Variants in N4BP2L1 observed in about 807,000 individuals in gnomAD.
The protein encoded by N4BP2L1 is NEDD4-binding protein 2-like 1.
A neutral mutation model predicts 21.2 loss-of-function variants in N4BP2L1; 12 were observed. The ratio of observed to expected loss-of-function variants is 0.57; its 90% confidence interval spans 0.36 to 0.92. The LOEUF (loss-of-function observed/expected upper bound fraction) is 0.92. Among genes scored for constraint, N4BP2L1 ranks in the 40% least tolerant of loss-of-function variants. The probability of loss-of-function intolerance (pLI) is 0.01; values close to 1 mark genes in which losing one functional copy is unlikely to be tolerated. For missense variants in N4BP2L1, 259 were observed against 310.6 expected, an observed-to-expected ratio of 0.83 and a Z score of 1.25; for synonymous variants, 104 against 112.8, an observed-to-expected ratio of 0.92 and a Z score of 0.49.
chr13:32,412,352 C>T (rs760531743), intron 1 of N4BP2L1, among the ~76,000 whole-genome samples: 4 of 150,634 alleles, frequency 2.7e-5, no homozygotes, highest in African/African-American at 4.9e-5. Context: ...GCAGGCCGGG[C>T]GCGGTGGCTC....
intron 4 of N4BP2L1, among the ~76,000 whole-genome samples, chr13:32,403,950 G>A (rs2073312134): frequency 6.6e-6 from 1 of 152,156 alleles, no homozygotes; most frequent in Admixed American, 6.5e-5. Flanking sequence ...GATCATAAAT[G>A]AATCGCAGAC....
chr13:32,408,710 G>T (rs1299126364), intron 1 of N4BP2L1, among the ~76,000 whole-genome samples: 1 of 152,232 alleles, frequency 6.6e-6, no homozygotes, highest in African/African-American at 2.4e-5. Context: ...ACATGGCCAT[G>T]CTCAGAATAA....
chr13:32,428,133 G>A (rs1481477850), upstream of N4BP2L1: 1 of 1,400,708 alleles, frequency 7.1e-7, no homozygotes, highest in African/African-American at 1.5e-5. Flanking sequence ...CTGAAGTCAC[G>A]GTCTTGGCCA....
chr13:32,410,698 A>G (rs1054484881), intron 1 of N4BP2L1, among the ~76,000 whole-genome samples: 5 of 152,222 alleles, frequency 3.3e-5, no homozygotes, highest in African/African-American at 1.2e-4. Flanking sequence ...TATATTTGTG[A>G]ACACTGTACA....
At chr13:32,403,753 A>T (rs575491020) in intron 4 of N4BP2L1, 1 of 536,474 alleles carries the variant, frequency 1.9e-6, no homozygotes, top group African/African-American at 1.9e-5. Context: ...CTTTGAAGAC[A>T]CTATCTGCCT....
At chr13:32,419,600 C>G (rs1007820840) in intron 1 of N4BP2L1, among the ~76,000 whole-genome samples, 34 of 151,870 alleles carry the variant, frequency 2.2e-4, no homozygotes, top group Non-Finnish European at 4.6e-4. Context: ...GGCTTTTCCC[C>G]CTTTTGCTCA....
chr13:32,404,193 C>T, intron 4 of N4BP2L1, 128 bp downstream of exon 4: 1 of 1,610,766 alleles, frequency 6.2e-7, no homozygotes, highest in Non-Finnish European at 8.5e-7. Context: ...TATCAATTTC[C>T]AAGAATTACC....
In N4BP2L1 at chr13:32,409,467, T is replaced by C. The variant is rs572394277; in HGVS notation, c.180-1695A>G. On this transcript the variant is annotated intron_variant, in intron 1 of 4. Transcript: ENST00000380130. ...ATGCGGGCCAGTAGATAATACACTTTAATACCGAAAGAATATTAGTTAATT... is the reference window on the plus strand; with the variant it reads ...ATGCGGGCCAGTAGATAATACACTTCAATACCGAAAGAATATTAGTTAATT... Among the ~76,000 whole-genome samples the C allele has an allele frequency of 2.6e-5, 4 of 152,354 alleles. No individual in the cohort carries two copies. In the South Asian group the frequency reaches 8.3e-4, roughly 32 times the overall value.
intron 1 of N4BP2L1, chr13:32,419,536 T>C (rs2074356394): frequency 3.4e-6 from 1 of 297,834 alleles, no homozygotes; most frequent in Non-Finnish European, 6.5e-6. Context: ...CCTCCCAAAG[T>C]GCTGGGATTA....
chr13:32,420,624 G>C (rs1165744567), intron 1 of N4BP2L1: 1 of 152,118 alleles, frequency 6.6e-6, no homozygotes, highest in Non-Finnish European at 1.5e-5. Context: ...TGAGAACTTT[G>C]GAATGAGTGG....
upstream of N4BP2L1, chr13:32,428,188 G>T: frequency 8.4e-7 from 1 of 1,194,044 alleles, no homozygotes; most frequent in Non-Finnish European, 1.1e-6. Flanking sequence ...TGGATAGAGG[G>T]GCGGGCGCTG....
At chr13:32,428,202 GC>G, upstream of N4BP2L1, 1 of 1,038,092 alleles carries the variant, frequency 9.6e-7, no homozygotes, top group African/African-American at 1.6e-5. Context: ...GGCGCTGGGA[GC>G]CCAGCCCCTC....
At chr13:32,407,535 A>G (rs774992707) in intron 2 of N4BP2L1, 110 bp downstream of exon 2, 1 of 1,598,502 alleles carries the variant, frequency 6.3e-7, no homozygotes. Flanking sequence ...TGGGGGAAAA[A>G]TTGGCAGAAC....
At position 32,405,433 on chromosome 13, in the gene N4BP2L1, C is replaced by T. The variant is rs538326698; in HGVS notation, c.397-1036G>A. Among the ~76,000 whole-genome samples, 3 of 152,266 alleles carry T rather than the reference C, an allele frequency of 2.0e-5. No individual in the cohort carries two copies. In the South Asian group the frequency reaches 6.2e-4, roughly 32 times the overall value. ...GCTGACACACGAGAATTGCTTGAAT[C>T]TAGGAAGCAGAGGCTGCAGTGAGCT... On this transcript the variant is annotated intron_variant, in intron 3 of 4. Coordinates refer to ENST00000380130, the MANE Select transcript of N4BP2L1 (RefSeq NM_052818.3).
rs1358369956 is a variant in N4BP2L1, at chr13:32,428,044, G to A, written c.39C>T (p.Ser13=). The A allele has an allele frequency of 1.3e-6, 2 of 1,529,006 alleles. No individual in the cohort carries two copies. The highest frequency in any genetic ancestry group is 1.8e-4 in the Middle Eastern group (1 of 5,698). 94.7% of individuals were successfully genotyped at this position (1,529,006 alleles called of 1,614,324 possible). A position where few individuals can be genotyped will look rare whatever the true frequency, so the allele number is the denominator to read the frequency against. The change falls in exon 1 of 5, where the codon AGC becomes AGT. Residue 13 remains serine (S), a synonymous_variant. Transcript: ENST00000380130. ...GCTGCTGCTGCTGCTGGGGCTGGAG[G>A]CTCAGCCTCCCAAAAGATTGAAGGA... ...DSFLQSFGRL[S]LQPQQQQQRQ...
intron 4 of N4BP2L1, chr13:32,403,732 C>T (rs753004902): frequency 3.7e-6 from 2 of 536,088 alleles, no homozygotes; most frequent in Non-Finnish European, 7.6e-6. Context: ...ATGGAGTAGT[C>T]CACAGATCCA....
chr13:32,407,982 G>A (rs1199165521), intron 1 of N4BP2L1, among the ~76,000 whole-genome samples: 3 of 152,268 alleles, frequency 2.0e-5, no homozygotes, highest in Non-Finnish European at 4.4e-5. Flanking sequence ...CTGAGAGGCA[G>A]CAGTGTGTGT....
intron 1 of N4BP2L1, chr13:32,411,509 A>C (rs2073857456): frequency 1.0e-6 from 1 of 985,072 alleles, no homozygotes; most frequent in African/African-American, 1.7e-5. Context: ...TCTCAAACTT[A>C]AGTGGAAGCA....
rs1458215599 is a variant in N4BP2L1, at chr13:32,402,452, T to G, written c.*490A>C. On this transcript the variant is annotated 3_prime_UTR_variant, in exon 5 of 5. Transcript: ENST00000380130. ...TAAAGGAAAATCAGTATCATAAGAG[T>G]CGCACATCTCACATTTTTAGATACA... The G allele has an allele frequency of 2.1e-6, 2 of 966,418 alleles. No homozygotes were observed. Among genetic ancestry groups the G allele is most frequent in the Non-Finnish European group, 2.5e-6 (2 of 813,418 alleles). 59.9% of individuals were successfully genotyped at this position (966,418 alleles called of 1,614,324 possible). A position where few individuals can be genotyped will look rare whatever the true frequency, so the allele number is the denominator to read the frequency against.
Sources: allele counts gnomAD v4.1 joint callset (sites outside exome capture counted in the v4.1 genomes callset), GRCh38; gene constraint gnomAD v4.1.1; transcripts MANE v1.5; gene names NCBI Gene and HGNC (gene_info 2026-07-23, HGNC 2026-07-21).